The following C17orf67 variants were observed in gnomAD, a reference collection of about 807,000 sequenced individuals.
C17orf67 encodes uncharacterized protein C17orf67.
C17orf67 carries 12 observed loss-of-function variants against 11.2 expected under a neutral mutation model. The observed-to-expected ratio is 1.07, with a 90% CI of 0.68 to 1.73. The LOEUF is 1.73. Ranked by LOEUF, C17orf67 falls within the 40% of genes most tolerant of loss-of-function variation. The probability of loss-of-function intolerance (pLI) is 0.00; values close to 1 mark genes in which losing one functional copy is unlikely to be tolerated. For synonymous variants in C17orf67, 59 were observed against 46.9 expected (o/e 1.26, Z -1.05); for missense variants, 115 against 113.5 (o/e 1.01, Z -0.06).
Position 56,814,941 on chromosome 17 carries a change from C to T in C17orf67, c.84G>A (p.Gln28=), listed in dbSNP as rs750274518. The T allele has an allele frequency of 1.9e-6, 3 of 1,614,114 alleles. No homozygotes were observed. The highest frequency in any genetic ancestry group is 2.2e-5 in the South Asian group (2 of 91,074). Residue 28 remains glutamine (Q), a synonymous_variant, in exon 6 of 8, where the codon CAG becomes CAA. Transcript: ENST00000397861. ...GCCGAGATCTTAGGAGCTGTTTGGCCTGCTTCTCTGTCAAAATCGGGGAGG... is the reference window on the plus strand; with the variant it reads ...GCCGAGATCTTAGGAGCTGTTTGGCTTGCTTCTCTGTCAAAATCGGGGAGG... ...SETSPILTEK[Q]AKQLLRSRRQ...
chr17:56,823,767 A>C (rs368787394), intron 4 of C17orf67, among the ~76,000 whole-genome samples: 1 of 152,260 alleles, frequency 6.6e-6, no homozygotes, highest in Non-Finnish European at 1.5e-5. Context: ...ACAGATGTTT[A>C]TAACAGTTTT....
At chr17:56,828,155 C>T (rs1483031542) in intron 2 of C17orf67, among the ~76,000 whole-genome samples, 2 of 150,958 alleles carry the variant, frequency 1.3e-5, no homozygotes, top group African/African-American at 2.4e-5. Context: ...CTTGTAATCC[C>T]AGCACTTTGG....
chr17:56,823,510 C>A (rs1397711570), intron 4 of C17orf67, among the ~76,000 whole-genome samples: 3 of 151,948 alleles, frequency 2.0e-5, no homozygotes, highest in Admixed American at 6.6e-5. Context: ...GGAACATGAA[C>A]AAGATGCTGT....
rs530434273 is a variant in C17orf67, at chr17:56,810,614, G to T, written c.156+4255C>A. The stretch of plus-strand genomic sequence containing the variant: ...AAACAGGGAGGGTGAGGAGGTCTTG[G>T]CAAAAGGCAAAGAGCCAGAAGGGCT... On this transcript the variant is annotated intron_variant, in intron 6 of 7. Coordinates refer to ENST00000397861, the MANE Select transcript of C17orf67 (RefSeq NM_001085430.4). 2.0e-5 allele frequency among the ~76,000 whole-genome samples: 3 copies of T among 152,348 alleles called. No homozygotes were observed. The South Asian group carries it at 6.2e-4, about 32-fold the overall frequency.
intron 6 of C17orf67, among the ~76,000 whole-genome samples, chr17:56,795,529 C>G (rs1905196260): frequency 6.6e-6 from 1 of 152,178 alleles, no homozygotes; most frequent in African/African-American, 2.4e-5. Flanking sequence ...TCAGAGTCAC[C>G]TGATATCTGA....
intron 2 of C17orf67, among the ~76,000 whole-genome samples, chr17:56,827,628 G>A (rs569785608): frequency 1.2e-4 from 18 of 152,346 alleles, no homozygotes; most frequent in South Asian, 2.1e-4. Flanking sequence ...CAGTGTCATG[G>A]AGGGGCTGCG....
chr17:56,810,310 C>A (rs573196733), intron 6 of C17orf67, among the ~76,000 whole-genome samples: 1 of 147,558 alleles, frequency 6.8e-6, no homozygotes, highest in Admixed American at 6.7e-5. Context: ...CACACACATA[C>A]CCCTCATACA....
chr17:56,794,025 A>G (rs1905164055), intron 7 of C17orf67, among the ~76,000 whole-genome samples: 1 of 152,214 alleles, frequency 6.6e-6, no homozygotes, highest in Non-Finnish European at 1.5e-5. Flanking sequence ...AACACGGTCC[A>G]CATAAAGCAT....
chr17:56,807,899 T>TAAA (rs1905492895), intron 6 of C17orf67, among the ~76,000 whole-genome samples: 3 of 94,848 alleles, frequency 3.2e-5, no homozygotes, highest in Non-Finnish European at 4.3e-5. Flanking sequence ...CAAAAATAAA[T>TAAA]AAATAATAAA....
chr17:56,798,221 G>A (rs932159129), intron 6 of C17orf67, among the ~76,000 whole-genome samples: 1 of 152,076 alleles, frequency 6.6e-6, no homozygotes, highest in Non-Finnish European at 1.5e-5. Context: ...CCAGCCCTGG[G>A]GCTAGACCCC....
chr17:56,816,915 C>CAG (rs1255864028), intron 4 of C17orf67, among the ~76,000 whole-genome samples: 1 of 152,162 alleles, frequency 6.6e-6, no homozygotes, highest in Non-Finnish European at 1.5e-5. Context: ...GGCTGGTGTG[C>CAG]AGAGGCTCAC....
At chr17:56,824,714 G>A (rs1042330061) in intron 4 of C17orf67, 25 bp downstream of exon 4, 7 of 152,280 alleles carry the variant, frequency 4.6e-5, no homozygotes, top group Admixed American at 6.5e-5. Context: ...TCCAGACTCT[G>A]TCCCAAAGAC....
intron 2 of C17orf67, among the ~76,000 whole-genome samples, chr17:56,832,078 C>G (rs1906220301): frequency 6.6e-6 from 1 of 152,188 alleles, no homozygotes; most frequent in East Asian, 1.9e-4. Context: ...TCCCAAGTAG[C>G]TGGGACTACA....
At chr17:56,804,045 T>C (rs1050346937) in intron 6 of C17orf67, 1 of 152,206 alleles carries the variant, frequency 6.6e-6, no homozygotes, top group African/African-American at 2.4e-5. Context: ...AAGGGGTATA[T>C]GGAAAATGAG....
At chr17:56,805,965 ATTTTCC>A (rs1284471552) in intron 6 of C17orf67, among the ~76,000 whole-genome samples, 34 of 105,196 alleles carry the variant, frequency 3.2e-4, no homozygotes, top group South Asian at 1.2e-3. Context: ...ACTACAGTTG[ATTTTCC>A]TTTTTTTTTT....
intron 4 of C17orf67, among the ~76,000 whole-genome samples, chr17:56,823,914 T>C (rs1163030367): frequency 6.6e-6 from 1 of 152,196 alleles, no homozygotes; most frequent in Admixed American, 6.5e-5. Context: ...TGAAAAGATA[T>C]GGAGAAAACT....
chr17:56,811,359 C>T (rs527956734), intron 6 of C17orf67, among the ~76,000 whole-genome samples: 21 of 152,308 alleles, frequency 1.4e-4, no homozygotes, highest in African/African-American at 4.8e-4. Context: ...TTCTTCCTGC[C>T]TCATCCCTAC....
chr17:56,818,305 C>T (rs1325552731), intron 4 of C17orf67, among the ~76,000 whole-genome samples: 1 of 152,088 alleles, frequency 6.6e-6, no homozygotes, highest in African/African-American at 2.4e-5. Context: ...CTTCTGTGGG[C>T]CAGAAACAAA....
intron 6 of C17orf67, among the ~76,000 whole-genome samples, chr17:56,800,148 C>T (rs1395904968): frequency 6.8e-6 from 1 of 146,426 alleles, no homozygotes; most frequent in Admixed American, 7.0e-5. Context: ...TCACTGCAAG[C>T]TCCGCTTCCC....
Sources: allele counts gnomAD v4.1 joint callset (sites outside exome capture counted in the v4.1 genomes callset), GRCh38; gene constraint gnomAD v4.1.1; transcripts MANE v1.5; gene names NCBI Gene and HGNC (gene_info 2026-07-23, HGNC 2026-07-21).